DOCK3: variants seen among roughly 807,000 people sequenced by gnomAD.
DOCK3 encodes dedicator of cytokinesis protein 3.
Under a neutral mutation model 265.6 loss-of-function variants are expected in DOCK3, and 60 were observed. The observed-to-expected ratio is 0.23, with a 90% confidence interval of 0.18 to 0.28. The LOEUF is 0.28. Ranked by LOEUF, DOCK3 falls within the 10% of genes least tolerant of loss-of-function variation. DOCK3 has a pLI of 1.00. For missense variants in DOCK3, 1,981 were observed against 2,594.3 expected (o/e 0.76, Z 5.14); for synonymous variants, 881 against 938.0 (o/e 0.94, Z 1.11).
At chr3:51,380,975 C>T in intron 52 of DOCK3, 75 bp from the exon 53 acceptor site, 15 of 1,498,890 alleles carry the variant, frequency 1.0e-5, no homozygotes, top group Non-Finnish European at 1.3e-5. Flanking sequence ...TAAGCAGGCT[C>T]TTGGTCTTCC....
In DOCK3 at chr3:51,006,456, G is replaced by T. The variant is rs142318317; in HGVS notation, c.316-57992G>T. ...ACTTCAAATCAAAATACTTTAAAAT[G>T]GTTCTCCTGTACTCCCAAATATTCC... On this transcript the variant is annotated intron_variant, in intron 5 of 52. Coordinates refer to ENST00000266037, the MANE Select transcript of DOCK3 (RefSeq NM_004947.5). Among the ~76,000 whole-genome samples, 1,111 of 152,142 alleles carry T rather than the reference G, an allele frequency of 7.3e-3. 7 individuals carry two copies. The highest frequency in any genetic ancestry group is 0.01 in the African/African-American group (430 of 41,492).
intron 5 of DOCK3, among the ~76,000 whole-genome samples, chr3:50,972,726 T>A (rs2108482406): frequency 6.6e-6 from 1 of 152,336 alleles, no homozygotes; most frequent in East Asian, 1.9e-4. Context: ...TGAGGTTTCC[T>A]GGTGGATTTA....
At chr3:50,855,237 G>A (rs1010536636) in intron 3 of DOCK3, among the ~76,000 whole-genome samples, 5 of 152,116 alleles carry the variant, frequency 3.3e-5, no homozygotes, top group African/African-American at 1.2e-4. Flanking sequence ...TCATTTTAAT[G>A]ATACAGATCT....
At chr3:51,276,321 A>ACCTAAG in intron 25 of DOCK3, 10 of 981,570 alleles carry the variant, frequency 1.0e-5, no homozygotes, top group Non-Finnish European at 1.2e-5. Flanking sequence ...CAGAGAAGCC[A>ACCTAAG]CACCAAGCAC....
At chr3:50,737,241 A>C (rs1576288658) in intron 1 of DOCK3, among the ~76,000 whole-genome samples, 1 of 152,096 alleles carries the variant, frequency 6.6e-6, no homozygotes, top group East Asian at 1.9e-4. Context: ...TTTTGTTGCC[A>C]TTGCTTTTGG....
chr3:50,753,381 T>G (rs1448075963), intron 1 of DOCK3, among the ~76,000 whole-genome samples: 1 of 152,186 alleles, frequency 6.6e-6, no homozygotes, highest in Non-Finnish European at 1.5e-5. Flanking sequence ...CTTACTTTGT[T>G]GCCCAGGGTG....
chr3:51,074,328 G>GAC (rs1343729331), intron 6 of DOCK3, among the ~76,000 whole-genome samples: 2 of 152,136 alleles, frequency 1.3e-5, no homozygotes, highest in African/African-American at 4.8e-5. Context: ...TAGAGCTGTT[G>GAC]TCTTAGAGTG....
intron 32 of DOCK3, among the ~76,000 whole-genome samples, chr3:51,328,001 CTA>C (rs1173087474): frequency 1.3e-5 from 2 of 152,060 alleles, no homozygotes; most frequent in Non-Finnish European, 2.9e-5. Flanking sequence ...GCTTCTTTGC[CTA>C]ATACAAAGTT....
chr3:51,354,960 C>T lies in DOCK3; in HGVS notation c.4186C>T (p.Gln1396Ter). The change falls in exon 41 of 53, where the codon CAG becomes TAG. Residue 1396 changes from glutamine to a stop codon, truncating the protein, a stop_gained. Transcript: ENST00000266037. LOFTEE classifies it high-confidence loss of function. ...GCAGAGGATGCTCAGTGAGTTTCCG[C>T]AGGCTGTCGCCATGCAGCACCCCAA... is the stretch of plus-strand genomic sequence containing the variant. ...FQQRMLSEFP[Q>*]AVAMQHPNHP... 2 of 1,613,980 alleles carry T rather than the reference C, an allele frequency of 1.2e-6. No homozygotes were observed. The highest frequency in any genetic ancestry group is 1.7e-6 in the Non-Finnish European group (2 of 1,179,864).
chr3:51,022,795 T>C (rs1353980661), intron 5 of DOCK3, among the ~76,000 whole-genome samples: 1 of 152,194 alleles, frequency 6.6e-6, no homozygotes, highest in East Asian at 1.9e-4. Flanking sequence ...GTTTTTCTTC[T>C]AGGATATTTA....
intron 12 of DOCK3, among the ~76,000 whole-genome samples, chr3:51,199,124 G>T (rs1312913233): frequency 1.3e-5 from 2 of 152,204 alleles, no homozygotes; most frequent in East Asian, 3.8e-4. Context: ...GAAGACGGGT[G>T]ATTTCTGCAT....
intron 1 of DOCK3, among the ~76,000 whole-genome samples, chr3:50,678,029 A>G (rs1340887870): frequency 6.6e-6 from 1 of 151,746 alleles, no homozygotes; most frequent in Non-Finnish European, 1.5e-5. Flanking sequence ...TAATGTTATC[A>G]TTATTACACA....
intron 5 of DOCK3, among the ~76,000 whole-genome samples, chr3:50,945,463 A>T (rs542364282): frequency 1.3e-5 from 2 of 152,290 alleles, no homozygotes; most frequent in South Asian, 2.1e-4. Flanking sequence ...TAACAGTTCT[A>T]TTTTGTATTA....
intron 27 of DOCK3, among the ~76,000 whole-genome samples, chr3:51,290,130 T>A (rs2109132036): frequency 6.6e-6 from 1 of 152,322 alleles, no homozygotes; most frequent in Admixed American, 6.5e-5. Flanking sequence ...AGTGTGGCAA[T>A]TCCTCAGGGA....
chr3:51,274,945 G>T, intron 24 of DOCK3, 134 bp from the exon 25 acceptor site: 1 of 996,058 alleles, frequency 1.0e-6, no homozygotes. Context: ...GTAAGGTAAG[G>T]AGATTACCTT....
At chr3:51,221,244 C>T (rs2090083769) in intron 14 of DOCK3, among the ~76,000 whole-genome samples, 1 of 152,160 alleles carries the variant, frequency 6.6e-6, no homozygotes, top group Non-Finnish European at 1.5e-5. Flanking sequence ...AGGTTCATTA[C>T]CTTGCTTTCT....
At chr3:50,844,016 G>T (rs1273690328) in intron 3 of DOCK3, among the ~76,000 whole-genome samples, 2 of 152,084 alleles carry the variant, frequency 1.3e-5, no homozygotes, top group Admixed American at 1.3e-4. Context: ...TTAGCCAAAA[G>T]GCTAAGAAGT....
intron 27 of DOCK3, among the ~76,000 whole-genome samples, chr3:51,308,233 T>A (rs1332771192): frequency 1.3e-5 from 2 of 149,150 alleles, no homozygotes. Context: ...TTTTTTTTTT[T>A]TTTTATTGAT....
intron 5 of DOCK3, among the ~76,000 whole-genome samples, chr3:50,958,572 A>G (rs986066932): frequency 3.9e-5 from 6 of 152,226 alleles, no homozygotes; most frequent in Non-Finnish European, 8.8e-5. Context: ...AAGGGTATGC[A>G]GTTAATGGTG....
Sources: allele counts gnomAD v4.1 joint callset (sites outside exome capture counted in the v4.1 genomes callset), GRCh38; gene constraint gnomAD v4.1.1; transcripts MANE v1.5; gene names NCBI Gene and HGNC (gene_info 2026-07-23, HGNC 2026-07-21).